Variants in WRN observed in about 807,000 individuals in gnomAD.
The protein encoded by WRN is WRN RecQ like helicase.
Under a neutral mutation model 180.7 loss-of-function variants are expected in WRN, and 149 were observed. That is an observed-to-expected ratio of 0.82 (90% CI 0.72 to 0.94). The LOEUF is 0.94. WRN is among the 40% of genes least tolerant of loss of function. The pLI is 0.00. For missense variants in WRN, 1,661 were observed against 1,700.1 expected, an observed-to-expected ratio of 0.98 and a Z score of 0.40; for synonymous variants, 548 against 568.9, an observed-to-expected ratio of 0.96 and a Z score of 0.52.
intron 34 of WRN, among the ~76,000 whole-genome samples, chr8:31,167,982 A>G (rs1474761066): frequency 6.6e-6 from 1 of 152,078 alleles, no homozygotes; most frequent in African/African-American, 2.4e-5. Flanking sequence ...TCAATGTGGT[A>G]GTAGGTGGTG....
intron 1 of WRN, among the ~76,000 whole-genome samples, chr8:31,051,760 A>C (rs1812084703): frequency 6.6e-6 from 1 of 152,200 alleles, no homozygotes; most frequent in Admixed American, 6.5e-5. Flanking sequence ...GAGATTAAAA[A>C]TCACCACAAT....
At chr8:31,124,723 T>G (rs1266582434) in intron 22 of WRN, 100 bp downstream of exon 22, 3 of 1,322,042 alleles carry the variant, frequency 2.3e-6, no homozygotes, top group Non-Finnish European at 3.2e-6. Context: ...TGAAAAAATA[T>G]TTTGTTGCTG....
At chr8:31,114,504 C>T (rs1801436655) in intron 19 of WRN, among the ~76,000 whole-genome samples, 1 of 152,220 alleles carries the variant, frequency 6.6e-6, no homozygotes, top group African/African-American at 2.4e-5. Context: ...CAAATTTTTA[C>T]ATATTTTCCA....
chr8:31,091,764 C>A, intron 15 of WRN, 66 bp from the exon 16 acceptor site: 1 of 1,386,468 alleles, frequency 7.2e-7, no homozygotes, highest in Non-Finnish European at 1.0e-6. Flanking sequence ...TTCTTTCTCA[C>A]TTAAGAGTGA....
At chr8:31,051,140 T>G (rs1812063993) in intron 1 of WRN, among the ~76,000 whole-genome samples, 1 of 152,082 alleles carries the variant, frequency 6.6e-6, no homozygotes, top group African/African-American at 2.4e-5. Flanking sequence ...CCTCAAGCAA[T>G]TAGGCAAGTC....
chr8:31,035,126 G>A (rs573401329), intron 1 of WRN, among the ~76,000 whole-genome samples: 65 of 152,080 alleles, frequency 4.3e-4, no homozygotes, highest in Middle Eastern at 3.4e-3. Flanking sequence ...ACTGCTCTAG[G>A]CACTAGAGAT....
chr8:31,154,709 C>T lies in WRN; in HGVS notation c.3773C>T (p.Ser1258Phe), dbSNP rs1454700100. 1.2e-6 allele frequency: 2 copies of T among 1,613,486 alleles called. No homozygotes were observed. Among genetic ancestry groups the T allele is most frequent in the African/African-American group, 2.7e-5 (2 of 74,898 alleles). Residue 1258 changes from serine (S) to phenylalanine (F), a missense_variant, in exon 32 of 35, where the codon TCT becomes TTT. Physicochemically the swap from Ser to Phe is radical, Grantham distance 155. Coordinates refer to ENST00000298139, the MANE Select transcript of WRN (RefSeq NM_000553.6). Reference protein sequence around the residue: ...AKNKICTLSQSMAITYSLFQE... With the variant: ...AKNKICTLSQFMAITYSLFQE... ...AATAAAATATGCACACTTTCACAGT[C>T]TATGGCCATCACATACTCTTTATTC...
chr8:31,166,941 A>G, intron 33 of WRN, 81 bp from the exon 34 acceptor site: 1 of 1,355,172 alleles, frequency 7.4e-7, no homozygotes, highest in Non-Finnish European at 1.0e-6. Flanking sequence ...TCTACAGAAT[A>G]TTTCAGTATT....
chr8:31,111,527 C>T, intron 18 of WRN, 88 bp from the exon 19 acceptor site: 1 of 1,493,448 alleles, frequency 6.7e-7, no homozygotes, highest in Non-Finnish European at 9.3e-7. Flanking sequence ...AAACTGTTGT[C>T]CTACCAGTCT....
intron 8 of WRN, among the ~76,000 whole-genome samples, chr8:31,077,080 A>C (rs1371543215): frequency 6.6e-6 from 1 of 152,232 alleles, no homozygotes; most frequent in African/African-American, 2.4e-5. Context: ...TTCTGACTCG[A>C]AAAAGTGCAG....
rs1304090486 is a variant in WRN at position 31,090,470 on chromosome 8, A to G, written c.1658A>G (p.Gln553Arg). 1.2e-6 allele frequency: 2 copies of G among 1,612,012 alleles called. No individual in the cohort carries two copies. The highest frequency in any genetic ancestry group is 4.5e-5 in the East Asian group (2 of 44,716). ...TTTTGCTTTTCACCTTCAAGAGTTC[A>G]GTGGAAAGTGATTCATTCAGTATTA... ...YFGHSSFKPV[Q>R]WKVIHSVLEE... The change falls in exon 14 of 35, where the codon CAG becomes CGG. Residue 553 changes from glutamine (Q) to arginine (R), a missense_variant. Physicochemically the swap from Gln to Arg is conservative, Grantham distance 43. Around this residue, in one of 3 missense-constraint regions of WRN, gnomAD observed 1,141 missense variants for 1,149.4 expected, o/e 0.99. Coordinates refer to ENST00000298139, the MANE Select transcript of WRN (RefSeq NM_000553.6).
intron 18 of WRN, among the ~76,000 whole-genome samples, chr8:31,102,303 CA>C (rs1177325208): frequency 1.3e-5 from 2 of 152,294 alleles, no homozygotes; most frequent in East Asian, 3.9e-4. Flanking sequence ...TGCAATTTGT[CA>C]CCTTTTGGAA....
At chr8:31,075,979 T>G (rs1169644060) in intron 7 of WRN, among the ~76,000 whole-genome samples, 194 bp from the exon 8 acceptor site, 1 of 152,172 alleles carries the variant, frequency 6.6e-6, no homozygotes, top group African/African-American at 2.4e-5. Flanking sequence ...TTACTTTAAA[T>G]GTAAACAGTA....
At chr8:31,093,241 T>C (rs145578131) in intron 16 of WRN, among the ~76,000 whole-genome samples, 2,195 of 152,286 alleles carry the variant, frequency 0.014, 50 homozygotes, top group African/African-American at 0.05. Flanking sequence ...TATGGACATA[T>C]GGTTTCATTT....
intron 18 of WRN, among the ~76,000 whole-genome samples, chr8:31,103,895 C>T (rs769085623): frequency 6.6e-6 from 1 of 151,942 alleles, no homozygotes; most frequent in African/African-American, 2.4e-5. Context: ...CCACTGTGCC[C>T]GGCTAATTTT....
chr8:31,142,496 T>A (rs2725364), intron 26 of WRN, 130 bp from the exon 27 acceptor site: 5 of 631,356 alleles, frequency 7.9e-6, no homozygotes, highest in Non-Finnish European at 4.9e-6. Context: ...GAAAAAAAAA[T>A]CAGTTTTAAG....
rs540091777 is a variant in WRN at position 31,175,723 on chromosome 8, A to G, written c.*2621A>G. 6.6e-6 allele frequency among the ~76,000 whole-genome samples: 1 copy of G among 152,384 alleles called. No individual in the cohort carries two copies. The highest frequency in any genetic ancestry group is 2.1e-4 in the South Asian group (1 of 4,832). ...TTTCATATACTTCAGCCAAAACAGCATATCAAAATGGATTGAATGCAGAAG... is the reference window on the plus strand; with the variant it reads ...TTTCATATACTTCAGCCAAAACAGCGTATCAAAATGGATTGAATGCAGAAG... On this transcript the variant is annotated 3_prime_UTR_variant, in exon 35 of 35. Coordinates refer to ENST00000298139, the MANE Select transcript of WRN (RefSeq NM_000553.6).
rs778109129 is a variant in WRN at position 31,157,526 on chromosome 8, C to T, written c.3978C>T (p.Asn1326=). 6.2e-7 allele frequency: 1 copy of T among 1,614,108 alleles called. No individual in the cohort carries two copies. The highest frequency in any genetic ancestry group is 8.5e-7 in the Non-Finnish European group (1 of 1,180,010). ...IADVIRNPPV[N]SDMSKISLIR... ...ATGTTATCCGAAACCCTCCCGTCAA[C>T]TCAGGTGAGAGGCATGGCCTAGCTC... The change falls in exon 33 of 35, where the codon AAC becomes AAT. Residue 1326 remains asparagine (N), a synonymous_variant. Transcript: ENST00000298139.
At chr8:31,127,725 C>T (rs549437832) in intron 23 of WRN, among the ~76,000 whole-genome samples, 5 of 151,376 alleles carry the variant, frequency 3.3e-5, no homozygotes, top group African/African-American at 1.2e-4. Context: ...CCAGTCTGGG[C>T]AAAAAACCGA....
Sources: allele counts gnomAD v4.1 joint callset (sites outside exome capture counted in the v4.1 genomes callset), GRCh38; gene constraint gnomAD v4.1.1; regional missense constraint gnomAD v4.1.1; transcripts MANE v1.5; gene names NCBI Gene and HGNC (gene_info 2026-07-23, HGNC 2026-07-21).